LRP1B: variants seen among roughly 807,000 people sequenced by gnomAD.
The protein encoded by LRP1B is low-density lipoprotein receptor-related protein 1B.
LRP1B carries 217 observed loss-of-function variants against 556.6 expected under a neutral mutation model. That is an observed-to-expected ratio of 0.39 (90% CI 0.35 to 0.44). The LOEUF is 0.44. LRP1B is among the 20% of genes least tolerant of loss of function. The pLI, the probability that LRP1B is intolerant of heterozygous loss-of-function variation, is 1.00. For synonymous variants in LRP1B, 2,047 were observed against 1,865.8 expected (o/e 1.10, Z -2.50); for missense variants, 5,053 against 5,620.8 (o/e 0.90, Z 3.23).
At chr2:141,394,166 T>C (rs1318055926) in intron 3 of LRP1B, among the ~76,000 whole-genome samples, 3 of 152,146 alleles carry the variant, frequency 2.0e-5, no homozygotes, top group Non-Finnish European at 4.4e-5. Flanking sequence ...ATGTTCTCTA[T>C]TTGTTAACTG....
At chr2:141,715,864 C>G (rs1364230517) in intron 2 of LRP1B, among the ~76,000 whole-genome samples, 2 of 152,030 alleles carry the variant, frequency 1.3e-5, no homozygotes, top group East Asian at 3.9e-4. Context: ...AGTGCAGAAA[C>G]AAACAAAAAC....
chr2:141,460,187 A>G (rs1161323877), intron 3 of LRP1B, among the ~76,000 whole-genome samples: 1 of 152,158 alleles, frequency 6.6e-6, no homozygotes, highest in Non-Finnish European at 1.5e-5. Flanking sequence ...TAAAAAATTT[A>G]CCAATTTAAT....
rs191932821 is a variant in LRP1B at position 141,796,787 on chromosome 2, T to C, written c.205+13492A>G. On this transcript the variant is annotated intron_variant, in intron 2 of 90. Transcript: ENST00000389484. ...ATTTTCTTTCACTACCATCAAAGAG[T>C]AGGGCCTTACATAACAACCATCTTT... 2.9e-3 allele frequency among the ~76,000 whole-genome samples: 445 copies of C among 151,906 alleles called. 1 individual carries two copies. The highest frequency in any genetic ancestry group is 5.3e-3 in the Non-Finnish European group (360 of 67,890).
intron 2 of LRP1B, among the ~76,000 whole-genome samples, chr2:141,749,813 G>C (rs1694045091): frequency 6.6e-6 from 1 of 152,088 alleles, no homozygotes; most frequent in Admixed American, 6.6e-5. Context: ...CCTCCTGTGA[G>C]GTATGGCTTT....
At chr2:142,052,409 A>G (rs924971584) in intron 1 of LRP1B, among the ~76,000 whole-genome samples, 1 of 152,114 alleles carries the variant, frequency 6.6e-6, no homozygotes. Flanking sequence ...ACCTGCTTTC[A>G]TTATCCATGA....
At chr2:141,871,450 C>T (rs1284133751) in intron 1 of LRP1B, among the ~76,000 whole-genome samples, 1 of 151,866 alleles carries the variant, frequency 6.6e-6, no homozygotes, top group Non-Finnish European at 1.5e-5. Context: ...AAACTGTTTT[C>T]CCAATAGTAA....
At chr2:141,643,224 T>G (rs1288179428) in intron 2 of LRP1B, among the ~76,000 whole-genome samples, 5 of 152,152 alleles carry the variant, frequency 3.3e-5, no homozygotes, top group African/African-American at 1.2e-4. Context: ...AAGACTGGTC[T>G]TCTTTAAATT....
intron 13 of LRP1B, among the ~76,000 whole-genome samples, chr2:141,014,386 G>T (rs1408549422): frequency 6.6e-6 from 1 of 151,990 alleles, no homozygotes; most frequent in East Asian, 1.9e-4. Context: ...TAGTTATATT[G>T]TTTTGTTGTT....
chr2:141,929,655 TA>T (rs1019983205), intron 1 of LRP1B, among the ~76,000 whole-genome samples: 3 of 152,114 alleles, frequency 2.0e-5, no homozygotes, highest in African/African-American at 7.2e-5. Flanking sequence ...ATTTTGGAAG[TA>T]AAATGCTATA....
intron 49 of LRP1B, among the ~76,000 whole-genome samples, chr2:140,521,401 A>G: frequency 6.6e-6 from 1 of 152,126 alleles, no homozygotes; most frequent in South Asian, 2.1e-4. Flanking sequence ...TATTTTTAGC[A>G]TTCTTAAGGA....
chr2:140,893,767 TA>T (rs1187595933), intron 23 of LRP1B, among the ~76,000 whole-genome samples: 17 of 152,062 alleles, frequency 1.1e-4, no homozygotes, highest in African/African-American at 4.1e-4. Flanking sequence ...ATATTGTTAT[TA>T]AGTCATAGAT....
intron 35 of LRP1B, among the ~76,000 whole-genome samples, chr2:140,719,181 T>C (rs1687315480): frequency 6.6e-6 from 1 of 152,076 alleles, no homozygotes; most frequent in African/African-American, 2.4e-5. Flanking sequence ...AGTAAGCATT[T>C]AGTGAGTAAT....
intron 12 of LRP1B, among the ~76,000 whole-genome samples, chr2:141,018,184 T>C (rs1166690473): frequency 6.6e-6 from 1 of 152,096 alleles, no homozygotes; most frequent in Non-Finnish European, 1.5e-5. Flanking sequence ...CTTCTGCTAA[T>C]ATAGCAAGAA....
At chr2:140,630,456 A>G (rs1353372119) in intron 41 of LRP1B, among the ~76,000 whole-genome samples, 1 of 152,224 alleles carries the variant, frequency 6.6e-6, no homozygotes, top group African/African-American at 2.4e-5. Context: ...AATACAGGTA[A>G]CCACAGCTGA....
chr2:142,059,556 G>A (rs1278426363), intron 1 of LRP1B, among the ~76,000 whole-genome samples: 1 of 151,856 alleles, frequency 6.6e-6, no homozygotes, highest in East Asian at 1.9e-4. Flanking sequence ...TTTAAATATA[G>A]TAGGCGATCT....
At chr2:140,309,413 G>C (rs762021301) in intron 83 of LRP1B, among the ~76,000 whole-genome samples, 22 of 151,800 alleles carry the variant, frequency 1.4e-4, no homozygotes, top group Admixed American at 4.0e-4. Flanking sequence ...GTGAATATAA[G>C]TAAGCTAACT....
chr2:140,507,860 T>C lies in LRP1B; in HGVS notation c.8399-942A>G, dbSNP rs368279767. ...GCTGTGGCACTTATATTTGTATCCT[T>C]AAGGAAGCAATTTACCTTCTTGGTG... On this transcript the variant is annotated intron_variant, in intron 52 of 90. Transcript: ENST00000389484. 1.9e-3 allele frequency among the ~76,000 whole-genome samples: 285 copies of C among 152,294 alleles called. 2 individuals are homozygous for C. The highest frequency in any genetic ancestry group is 6.2e-3 in the South Asian group (30 of 4,822).
intron 1 of LRP1B, among the ~76,000 whole-genome samples, chr2:141,978,401 A>T (rs962930850): frequency 1.3e-5 from 2 of 152,050 alleles, no homozygotes; most frequent in Admixed American, 1.3e-4. Context: ...AAAAATTTAC[A>T]TTTTTCTCAA....
At chr2:141,098,049 T>C (rs1700364510) in intron 7 of LRP1B, among the ~76,000 whole-genome samples, 1 of 152,180 alleles carries the variant, frequency 6.6e-6, no homozygotes, top group African/African-American at 2.4e-5. Context: ...AACCTTGAAA[T>C]GATCATAATA....
Sources: gnomAD v4.1 joint callset for allele counts (sites outside exome capture counted in the v4.1 genomes callset) on GRCh38, gnomAD v4.1.1 for gene constraint, MANE v1.5 for transcripts, NCBI Gene and HGNC (gene_info 2026-07-23, HGNC 2026-07-21) for gene names.